The following SMIM38 variants were observed in gnomAD, a reference collection of about 807,000 sequenced individuals.
SMIM38 encodes the protein small integral membrane protein 38.
chr11:69,156,337 T>C (rs996981127), intron 1 of SMIM38, among the ~76,000 whole-genome samples: 2 of 152,218 alleles, frequency 1.3e-5, no homozygotes, highest in Non-Finnish European at 2.9e-5. Flanking sequence ...CTGGCCGGAC[T>C]CCCAGGACCC....
Position 69,158,826 on chromosome 11 carries a change from A to T in SMIM38, c.*824A>T, listed in dbSNP as rs934446087. The T allele has an allele frequency of 6.6e-6, 1 of 152,280 alleles. No homozygotes were observed. Among genetic ancestry groups the T allele is most frequent in the African/African-American group, 2.4e-5 (1 of 41,470 alleles). 9.4% of individuals were successfully genotyped at this position (152,280 alleles called of 1,614,324 possible). On this transcript the variant is annotated 3_prime_UTR_variant, in exon 2 of 3. Coordinates refer to ENST00000686237, the MANE Select transcript of SMIM38 (RefSeq NM_001369201.2). ...TCCTGCTCCACCTCCGTAGCACGTT[A>T]GCCGTGATGCCAGTGACTTAACCCA...
Position 69,157,628 on chromosome 11 carries a change from G to A in SMIM38, c.-219G>A. On this transcript the variant is annotated 5_prime_UTR_variant, in exon 2 of 3. Transcript: ENST00000686237. ...CTCTCACATGCCAGGGAGGCCCCGG[G>A]CTGGAGTCTGGCGGGCAGATCTGGC... 2.6e-6 allele frequency: 1 copy of A among 391,794 alleles called. No homozygotes were observed. Among genetic ancestry groups the A allele is most frequent in the East Asian group, 3.6e-5 (1 of 27,660 alleles). The allele number at this position is 391,794 out of a possible 1,614,324, so 24.3% of individuals were successfully genotyped here.
Position 69,157,284 on chromosome 11 carries a change from G to C in SMIM38, c.-563G>C, listed in dbSNP as rs761669442. The C allele has an allele frequency of 1.3e-5, 2 of 152,484 alleles. No homozygotes were observed. Among genetic ancestry groups the C allele is most frequent in the South Asian group, 4.1e-4 (2 of 4,838 alleles). 9.4% of individuals were successfully genotyped at this position (152,484 alleles called of 1,614,324 possible). A position where few individuals can be genotyped will look rare whatever the true frequency, so the allele number is the denominator to read the frequency against. On this transcript the variant is annotated 5_prime_UTR_variant, in exon 2 of 3. Transcript: ENST00000686237. Reference sequence around the variant, plus strand: ...ACCGTGGGCCGGCGCTGGACGGCGCGGCCTCCAGAAGTGATAGCTAATTGG... The same window carrying C: ...ACCGTGGGCCGGCGCTGGACGGCGCCGCCTCCAGAAGTGATAGCTAATTGG...
In SMIM38 at chr11:69,157,667, C is replaced by T. The variant is rs1857006872; in HGVS notation, c.-180C>T. On this transcript the variant is annotated 5_prime_UTR_variant, in exon 2 of 3. Coordinates refer to ENST00000686237, the MANE Select transcript of SMIM38 (RefSeq NM_001369201.2). Reference sequence around the variant, plus strand: ...GGCAGATCTGGCCTGCTTGGTGGCACCAGAGAGAACAGGGCGGTCCCTTGG... The same window carrying T: ...GGCAGATCTGGCCTGCTTGGTGGCATCAGAGAGAACAGGGCGGTCCCTTGG... The T allele has an allele frequency of 2.5e-6, 1 of 395,814 alleles. No individual in the cohort carries two copies. The highest frequency in any genetic ancestry group is 1.4e-4 in the South Asian group (1 of 7,022). The allele number at this position is 395,814 out of a possible 1,614,324, so 24.5% of individuals were successfully genotyped here.
In SMIM38 at chr11:69,158,201, G is replaced by C. The variant is rs999614686; in HGVS notation, c.*199G>C. 34 of 389,590 alleles carry C rather than the reference G, an allele frequency of 8.7e-5. No homozygotes were observed. The highest frequency in any genetic ancestry group is 6.8e-4 in the African/African-American group (33 of 48,576). 24.1% of individuals were successfully genotyped at this position (389,590 alleles called of 1,614,324 possible). ...CCCGTAGAGGCAGCTGGCCATGTGG[G>C]GAGATGGAGGGGCCGGCCTTGCAGG... On this transcript the variant is annotated 3_prime_UTR_variant, in exon 2 of 3. Transcript: ENST00000686237.
intron 2 of SMIM38, 27 bp from the exon 3 acceptor site, chr11:69,159,418 AT>A (rs71046504): frequency 0.43 from 61,801 of 144,508 alleles, 13,088 homozygotes; most frequent in African/African-American, 0.53. Flanking sequence ...TGCCAAGGAA[AT>A]TTTTTTTTTT....
chr11:69,155,841 T>C (rs1313816923), upstream of SMIM38: 1 of 152,208 alleles, frequency 6.6e-6, no homozygotes, highest in Non-Finnish European at 1.5e-5. Flanking sequence ...AAGCAAATGC[T>C]CTATCGATGA....
chr11:69,158,216 G>A lies in SMIM38; in HGVS notation c.*214G>A, dbSNP rs529668950. On this transcript the variant is annotated 3_prime_UTR_variant, in exon 2 of 3. Transcript: ENST00000686237. ...GGCCATGTGGGGAGATGGAGGGGCC[G>A]GCCTTGCAGGTCCATCACCAGGTTC... 9.4e-5 allele frequency: 36 copies of A among 381,982 alleles called. No homozygotes were observed. The highest frequency in any genetic ancestry group is 4.4e-4 in the South Asian group (3 of 6,854). 23.7% of individuals were successfully genotyped at this position (381,982 alleles called of 1,614,324 possible).
rs1857004250 is a variant in SMIM38 at position 69,157,495 on chromosome 11, C to A, written c.-352C>A. The A allele has an allele frequency of 5.3e-6, 1 of 187,110 alleles. No homozygotes were observed. The highest frequency in any genetic ancestry group is 6.2e-5 in the Admixed American group (1 of 16,218). 11.6% of individuals were successfully genotyped at this position (187,110 alleles called of 1,614,324 possible). On this transcript the variant is annotated 5_prime_UTR_variant, in exon 2 of 3. Transcript: ENST00000686237. ...GGGCTCCCGGCGGCCTCCCGCCCCC[C>A]AGGCCCCTGGACAATGCTGTCATTG...
rs1484796152 is a variant in SMIM38, at chr11:69,161,856, A to G, written c.*3760A>G. The stretch of plus-strand genomic sequence containing the variant: ...CTGTGTTTGAAGATATGGTCTTTAC[A>G]GAGGGAATAAAGTTAAAATAAGGTC... On this transcript the variant is annotated 3_prime_UTR_variant, in exon 3 of 3. Transcript: ENST00000686237. 6.6e-6 allele frequency: 1 copy of G among 152,208 alleles called. No individual in the cohort carries two copies. The highest frequency in any genetic ancestry group is 1.5e-5 in the Non-Finnish European group (1 of 68,032). 9.4% of individuals were successfully genotyped at this position (152,208 alleles called of 1,614,324 possible). A position where few individuals can be genotyped will look rare whatever the true frequency, so the allele number is the denominator to read the frequency against.
At chr11:69,156,606 G>GTGTA (rs1856990379) in intron 1 of SMIM38, among the ~76,000 whole-genome samples, 1 of 151,846 alleles carries the variant, frequency 6.6e-6, no homozygotes, top group South Asian at 2.1e-4. Flanking sequence ...GTGTGTGTGT[G>GTGTA]TGTGCGCGCG....
At chr11:69,156,375 C>G (rs1856986915) in intron 1 of SMIM38, among the ~76,000 whole-genome samples, 1 of 152,224 alleles carries the variant, frequency 6.6e-6, no homozygotes, top group South Asian at 2.1e-4. Flanking sequence ...GTTCCTCACG[C>G]TCAGCCCCCT....
chr11:69,156,921 G>A (rs776244039), intron 1 of SMIM38, among the ~76,000 whole-genome samples: 1 of 152,204 alleles, frequency 6.6e-6, no homozygotes, highest in Non-Finnish European at 1.5e-5. Context: ...AGGCCTGTGC[G>A]CCCCAGCTTA....
Position 69,158,024 on chromosome 11 carries a change from C to T in SMIM38, c.*22C>T. The T allele has an allele frequency of 2.5e-6, 1 of 398,860 alleles. No homozygotes were observed. Among genetic ancestry groups the T allele is most frequent in the South Asian group, 1.3e-4 (1 of 7,854 alleles). The allele number at this position is 398,860 out of a possible 1,614,324, so 24.7% of individuals were successfully genotyped here. On this transcript the variant is annotated 3_prime_UTR_variant, in exon 2 of 3. Coordinates refer to ENST00000686237, the MANE Select transcript of SMIM38 (RefSeq NM_001369201.2). ...CTAAGCCTCTGCAGGCTGCGGCCTCCACGCGCCCTGTCCCGAGACTCAGCC... is the reference window on the plus strand; with the variant it reads ...CTAAGCCTCTGCAGGCTGCGGCCTCTACGCGCCCTGTCCCGAGACTCAGCC...
chr11:69,156,595 T>TGC lies in SMIM38; in HGVS notation c.-674+482_-674+483insCG, dbSNP rs1210615600. Among the ~76,000 whole-genome samples, 11 of 139,118 alleles carry TGC rather than the reference T, an allele frequency of 7.9e-5. No homozygotes were observed. In the South Asian group the frequency reaches 2.3e-3, roughly 30 times the overall value. The allele number at this position is 139,118 out of a possible 152,430, so 91.3% of individuals were successfully genotyped here. Reference sequence around the variant, plus strand: ...ACACATGTATACATGTGTATGCGTGTGTGTGTGTGTGTGTGCGCGCGTGTG... The same window carrying TGC: ...ACACATGTATACATGTGTATGCGTGTGCGTGTGTGTGTGTGTGCGCGCGTGTG... On this transcript the variant is annotated intron_variant, in intron 1 of 2. Transcript: ENST00000686237.
chr11:69,158,686 A>G lies in SMIM38; in HGVS notation c.*684A>G, dbSNP rs972281995. The G allele has an allele frequency of 1.3e-5, 2 of 152,360 alleles. No homozygotes were observed. The highest frequency in any genetic ancestry group is 2.9e-5 in the Non-Finnish European group (2 of 68,136). 9.4% of individuals were successfully genotyped at this position (152,360 alleles called of 1,614,324 possible). On this transcript the variant is annotated 3_prime_UTR_variant, in exon 2 of 3. Transcript: ENST00000686237. Reference sequence around the variant, plus strand: ...CATGTAGGGGACAATTTAGGGGACAAGCCAAGGCACCCATCAATGCCCTCT... The same window carrying G: ...CATGTAGGGGACAATTTAGGGGACAGGCCAAGGCACCCATCAATGCCCTCT...
rs1857055070 is a variant in SMIM38 at position 69,161,667 on chromosome 11, A to G, written c.*3571A>G. 1 of 152,234 alleles carries G rather than the reference A, an allele frequency of 6.6e-6. No individual in the cohort carries two copies. The highest frequency in any genetic ancestry group is 2.1e-4 in the South Asian group (1 of 4,828). 9.4% of individuals were successfully genotyped at this position (152,234 alleles called of 1,614,324 possible). ...GCTCACAGCTGGTAGCCACAGATGT[A>G]AACCGTAGCCCATGGAACGGAGACA... On this transcript the variant is annotated 3_prime_UTR_variant, in exon 3 of 3. Coordinates refer to ENST00000686237, the MANE Select transcript of SMIM38 (RefSeq NM_001369201.2).
rs1857060020 is a variant in SMIM38 at position 69,162,243 on chromosome 11, G to C, written c.*4147G>C. Reference sequence around the variant, plus strand: ...AGACCTGGAAACAGATATTAGACCTGCACTAAGCATGTGTGGTTATTGAAC... The same window carrying C: ...AGACCTGGAAACAGATATTAGACCTCCACTAAGCATGTGTGGTTATTGAAC... On this transcript the variant is annotated 3_prime_UTR_variant, in exon 3 of 3. Transcript: ENST00000686237. The C allele has an allele frequency of 2.6e-5, 4 of 152,168 alleles. No homozygotes were observed. Among genetic ancestry groups the C allele is most frequent in the Admixed American group, 2.0e-4 (3 of 15,284 alleles). The allele number at this position is 152,168 out of a possible 1,614,324, so 9.4% of individuals were successfully genotyped here. A position where few individuals can be genotyped will look rare whatever the true frequency, so the allele number is the denominator to read the frequency against.
rs948551580 is a variant in SMIM38 at position 69,157,589 on chromosome 11, G to A, written c.-258G>A. The stretch of plus-strand genomic sequence containing the variant: ...CTCTTGACCAAGGAGGCTGCTCGTC[G>A]TCCCCAGTCTGTCCTCTCACATGCC... On this transcript the variant is annotated 5_prime_UTR_variant, in exon 2 of 3. Transcript: ENST00000686237. 2.2e-5 allele frequency: 8 copies of A among 371,404 alleles called. No individual in the cohort carries two copies. The highest frequency in any genetic ancestry group is 8.3e-5 in the African/African-American group (4 of 48,216). 23.0% of individuals were successfully genotyped at this position (371,404 alleles called of 1,614,324 possible).
Sources: allele counts gnomAD v4.1 joint callset (sites outside exome capture counted in the v4.1 genomes callset), GRCh38; gene constraint gnomAD v4.1.1; transcripts MANE v1.5; gene names NCBI Gene and HGNC (gene_info 2026-07-23, HGNC 2026-07-21).